Variants in SPON1 observed in about 807,000 individuals in gnomAD.
The protein encoded by SPON1 is spondin 1.
Under a neutral mutation model 111.7 loss-of-function variants are expected in SPON1, and 52 were observed. The ratio of observed to expected loss-of-function variants is 0.47; its 90% CI spans 0.37 to 0.59. The LOEUF (loss-of-function observed/expected upper bound fraction) is 0.59. SPON1 is among the 20% of genes least tolerant of loss of function. The pLI is 0.00. For synonymous variants in SPON1, 410 were observed against 395.8 expected, an observed-to-expected ratio of 1.04 and a Z score of -0.43; for missense variants, 957 against 1,068.5, an observed-to-expected ratio of 0.90 and a Z score of 1.46.
intron 5 of SPON1, among the ~76,000 whole-genome samples, chr11:14,094,372 C>T (rs1554923682): frequency 6.6e-6 from 1 of 152,124 alleles, no homozygotes; most frequent in African/African-American, 2.4e-5. Context: ...TTGCCAGATT[C>T]TTCTCCAACA....
intron 6 of SPON1, among the ~76,000 whole-genome samples, chr11:14,232,833 T>C (rs532023601): frequency 6.6e-6 from 1 of 152,334 alleles, no homozygotes; most frequent in Non-Finnish European, 1.5e-5. Flanking sequence ...TTCCTGAACC[T>C]GCTTCCATTG....
intron 5 of SPON1, among the ~76,000 whole-genome samples, chr11:14,083,632 G>A (rs1848981503): frequency 6.6e-6 from 1 of 152,166 alleles, no homozygotes; most frequent in Non-Finnish European, 1.5e-5. Context: ...GATTGTGCAA[G>A]TGTTGACACA....
At chr11:13,976,833 C>G (rs370361083) in intron 1 of SPON1, among the ~76,000 whole-genome samples, 1 of 152,318 alleles carries the variant, frequency 6.6e-6, no homozygotes, top group South Asian at 2.1e-4. Flanking sequence ...ATCCCTTGTT[C>G]TGCCTCCATG....
Position 14,158,384 on chromosome 11 carries a change from A to G in SPON1, c.825+22816A>G, listed in dbSNP as rs115460494. 5.7e-3 allele frequency among the ~76,000 whole-genome samples: 869 copies of G among 152,262 alleles called. 10 individuals carry two copies. Among genetic ancestry groups the G allele is most frequent in the African/African-American group, 0.02 (836 of 41,546 alleles). On this transcript the variant is annotated intron_variant, in intron 6 of 15. Coordinates refer to ENST00000576479, the MANE Select transcript of SPON1 (RefSeq NM_006108.4). Reference sequence around the variant, plus strand: ...CTCTTAGCCACTAATTTCTACCCAGAGTTGCAAACTTCCTTCACCATGACT... The same window carrying G: ...CTCTTAGCCACTAATTTCTACCCAGGGTTGCAAACTTCCTTCACCATGACT...
chr11:14,009,328 C>A (rs1211032969), intron 2 of SPON1, among the ~76,000 whole-genome samples: 1 of 152,194 alleles, frequency 6.6e-6, no homozygotes, highest in Non-Finnish European at 1.5e-5. Flanking sequence ...TCCCTGAGCT[C>A]TAGACACATT....
At chr11:14,075,825 A>T (rs1297515450) in intron 4 of SPON1, among the ~76,000 whole-genome samples, 1 of 152,030 alleles carries the variant, frequency 6.6e-6, no homozygotes, top group African/African-American at 2.4e-5. Context: ...ATATGGGAGG[A>T]TTTTCTCCAG....
At chr11:14,209,657 A>G (rs532677772) in intron 6 of SPON1, among the ~76,000 whole-genome samples, 79 of 152,306 alleles carry the variant, frequency 5.2e-4, no homozygotes, top group African/African-American at 1.8e-3. Flanking sequence ...CATCCAGTCT[A>G]TCATTGATGG....
chr11:14,057,360 T>A (rs1471977320), intron 3 of SPON1, among the ~76,000 whole-genome samples: 3 of 152,190 alleles, frequency 2.0e-5, no homozygotes, highest in Non-Finnish European at 2.9e-5. Context: ...ACATGTAATC[T>A]TCAAGTTTCA....
chr11:14,220,305 C>T (rs1011997778), intron 6 of SPON1, among the ~76,000 whole-genome samples: 4 of 152,080 alleles, frequency 2.6e-5, no homozygotes, highest in Admixed American at 6.5e-5. Context: ...GACCACACTC[C>T]GGACATGGTT....
intron 2 of SPON1, among the ~76,000 whole-genome samples, chr11:14,032,632 G>C (rs1848567524): frequency 6.6e-6 from 1 of 152,206 alleles, no homozygotes; most frequent in South Asian, 2.1e-4. Context: ...AACAGACCCA[G>C]AGAGGTCAAG....
chr11:14,187,196 C>T (rs1488222236), intron 6 of SPON1, among the ~76,000 whole-genome samples: 1 of 152,170 alleles, frequency 6.6e-6, no homozygotes, highest in South Asian at 2.1e-4. Flanking sequence ...AAGGTGAGAA[C>T]TCACTCATTA....
Position 14,101,429 on chromosome 11 carries a change from TA to T in SPON1, c.676+21412del, listed in dbSNP as rs199812249. ...AATAATAATAATTTAAAAATAATAA[TA>T]AAATAATAAAACCTAGTTTTCTATT... On this transcript the variant is annotated intron_variant, in intron 5 of 15. Transcript: ENST00000576479. 2.4e-3 allele frequency among the ~76,000 whole-genome samples: 365 copies of T among 151,972 alleles called. 4 individuals are homozygous for T. Among genetic ancestry groups the T allele is most frequent in the Admixed American group, 0.021 (319 of 15,284 alleles).
At chr11:14,044,365 A>G (rs1848653028) in intron 3 of SPON1, among the ~76,000 whole-genome samples, 1 of 152,204 alleles carries the variant, frequency 6.6e-6, no homozygotes, top group Non-Finnish European at 1.5e-5. Flanking sequence ...TAATCCCAGC[A>G]CTTTGGGAGG....
chr11:14,170,222 G>C (rs1331005847), intron 6 of SPON1, among the ~76,000 whole-genome samples: 26 of 152,216 alleles, frequency 1.7e-4, no homozygotes, highest in African/African-American at 5.8e-4. Context: ...TCCCTTGTAA[G>C]TTGGATTCCT....
intron 2 of SPON1, among the ~76,000 whole-genome samples, chr11:13,985,812 C>G (rs1447203017): frequency 6.6e-6 from 1 of 152,132 alleles, no homozygotes; most frequent in Non-Finnish European, 1.5e-5. Flanking sequence ...GTGCCAGTTT[C>G]TTATTTCTCA....
rs549463406 is a variant in SPON1 at position 14,007,761 on chromosome 11, T to G, written c.345+24808T>G. Among the ~76,000 whole-genome samples, 801 of 152,204 alleles carry G rather than the reference T, an allele frequency of 5.3e-3. 9 individuals are homozygous for G. Among genetic ancestry groups the G allele is most frequent in the African/African-American group, 0.018 (740 of 41,534 alleles). On this transcript the variant is annotated intron_variant, in intron 2 of 15. Coordinates refer to ENST00000576479, the MANE Select transcript of SPON1 (RefSeq NM_006108.4). ...GCCCAGCTCCTAACAGGCCACAGAC[T>G]GGGGGCTGGGGACTCCTGCTCTAGG...
In SPON1 at chr11:14,260,601, C is replaced by G. The variant is rs1180467658; in HGVS notation, c.1845C>G (p.Cys615Trp). ...CMMPECHTIP[C>W]LLSPWSEWSD... The stretch of plus-strand genomic sequence containing the variant: ...TTCTTGATCTAGACACCATCCCATG[C>G]TTGCTGTCCCCATGGTCCGAGTGGA... The change falls in exon 14 of 16, where the codon TGC becomes TGG. Residue 615 changes from cysteine to tryptophan, a missense_variant. Around this residue, in one of 5 missense-constraint regions of SPON1, gnomAD observed 549 missense variants for 606.2 expected, o/e 0.91. Transcript: ENST00000576479. 6.2e-7 allele frequency: 1 copy of G among 1,613,470 alleles called. No homozygotes were observed. The highest frequency in any genetic ancestry group is 8.5e-7 in the Non-Finnish European group (1 of 1,179,654).
chr11:14,187,894 G>C (rs1310799010), intron 6 of SPON1, among the ~76,000 whole-genome samples: 1 of 152,096 alleles, frequency 6.6e-6, no homozygotes, highest in African/African-American at 2.4e-5. Context: ...CAATTCTCCT[G>C]CCTCAGCCTC....
At chr11:13,980,326 C>T (rs1287939646) in intron 1 of SPON1, among the ~76,000 whole-genome samples, 1 of 152,252 alleles carries the variant, frequency 6.6e-6, no homozygotes, top group African/African-American at 2.4e-5. Flanking sequence ...CAGGCATGAG[C>T]TGCCGCGCCT....
Sources: allele counts gnomAD v4.1 joint callset (sites outside exome capture counted in the v4.1 genomes callset), GRCh38; gene constraint gnomAD v4.1.1; regional missense constraint gnomAD v4.1.1; transcripts MANE v1.5; gene names NCBI Gene and HGNC (gene_info 2026-07-23, HGNC 2026-07-21).